LAMA2: variants seen among roughly 807,000 people sequenced by gnomAD.
LAMA2 encodes the protein laminin subunit alpha 2.
LAMA2 carries 269 observed loss-of-function variants against 364.8 expected under a neutral mutation model. The ratio of observed to expected loss-of-function variants is 0.74; its 90% CI spans 0.67 to 0.82. The LOEUF (loss-of-function observed/expected upper bound fraction) is 0.82, where lower values mean the gene tolerates loss of function less well. Ranked by LOEUF, LAMA2 falls within the 40% of genes least tolerant of loss-of-function variation. The probability of loss-of-function intolerance (pLI) is 0.00; values close to 1 mark genes in which losing one functional copy is unlikely to be tolerated. For synonymous variants in LAMA2, 1,379 were observed against 1,370.6 expected (o/e 1.01, Z -0.14); for missense variants, 3,807 against 3,873.2 (o/e 0.98, Z 0.45).
chr6:129,111,327 A>G lies in LAMA2; in HGVS notation c.639+12912A>G, dbSNP rs537566035. 8.0e-4 allele frequency among the ~76,000 whole-genome samples: 122 copies of G among 152,184 alleles called. 1 individual carries two copies. Among genetic ancestry groups the G allele is most frequent in the African/African-American group, 2.8e-3 (118 of 41,558 alleles). ...ACATAAGACATGTAATTTAAATTCT[A>G]ATCAGGGATAACAAAAATCCTATGA... On this transcript the variant is annotated intron_variant, in intron 4 of 64. Coordinates refer to ENST00000421865, the MANE Select transcript of LAMA2 (RefSeq NM_000426.4).
At chr6:128,962,887 GAA>G (rs1019629391) in intron 1 of LAMA2, among the ~76,000 whole-genome samples, 1 of 152,086 alleles carries the variant, frequency 6.6e-6, no homozygotes, top group African/African-American at 2.4e-5. Flanking sequence ...AAAGGCAAAG[GAA>G]AAGTTTGTCA....
At chr6:128,924,324 A>C (rs901483321) in intron 1 of LAMA2, among the ~76,000 whole-genome samples, 1 of 152,170 alleles carries the variant, frequency 6.6e-6, no homozygotes, top group African/African-American at 2.4e-5. Flanking sequence ...GACTGCTAAC[A>C]ACATAAAACT....
intron 12 of LAMA2, among the ~76,000 whole-genome samples, chr6:129,244,814 A>G (rs1398938106): frequency 2.6e-5 from 4 of 152,162 alleles, no homozygotes; most frequent in Non-Finnish European, 1.5e-5. Flanking sequence ...AGCCTTCTCC[A>G]GTCATGTGGG....
intron 1 of LAMA2, among the ~76,000 whole-genome samples, chr6:128,896,983 A>T (rs1432667903): frequency 6.6e-6 from 1 of 152,256 alleles, no homozygotes; most frequent in Non-Finnish European, 1.5e-5. Flanking sequence ...CTCATGCCTT[A>T]ATTTATCAAA....
intron 1 of LAMA2, among the ~76,000 whole-genome samples, chr6:128,911,460 C>T (rs1375713847): frequency 6.6e-6 from 1 of 152,192 alleles, no homozygotes; most frequent in East Asian, 1.9e-4. Flanking sequence ...ACCCCTTGCG[C>T]TTCCCGAGTG....
chr6:128,969,048 C>G (rs1465171729), intron 1 of LAMA2, among the ~76,000 whole-genome samples: 1 of 152,108 alleles, frequency 6.6e-6, no homozygotes, highest in African/African-American at 2.4e-5. Context: ...TGCAGGAGAC[C>G]ACTACAGCTT....
intron 1 of LAMA2, among the ~76,000 whole-genome samples, chr6:128,909,521 T>C (rs1258676903): frequency 6.7e-6 from 1 of 148,410 alleles, no homozygotes; most frequent in South Asian, 2.2e-4. Context: ...ATTTTGAGCC[T>C]ATGTGTGTCT....
chr6:129,418,739 T>A (rs2326805), intron 40 of LAMA2, among the ~76,000 whole-genome samples: 3 of 151,836 alleles, frequency 2.0e-5, no homozygotes. Context: ...TGTAATTAGC[T>A]GTGTCACCTA....
chr6:128,907,310 C>A (rs1292206713), intron 1 of LAMA2, among the ~76,000 whole-genome samples: 81 of 128,256 alleles, frequency 6.3e-4, no homozygotes, highest in Admixed American at 3.0e-3. Context: ...CTTTTATTTC[C>A]TTGAGCAGTG....
In LAMA2 at chr6:129,513,253, T is replaced by C. The variant is rs191373707; in HGVS notation, c.8988+760T>C. On this transcript the variant is annotated intron_variant, in intron 63 of 64. Coordinates refer to ENST00000421865, the MANE Select transcript of LAMA2 (RefSeq NM_000426.4). ...TTTTTTCTTGCTTTCTTCCTCTTTC[T>C]GCTCAATTTTCAAACTGTCCTCCAA... Among the ~76,000 whole-genome samples the C allele has an allele frequency of 5.0e-3, 754 of 152,316 alleles. 5 individuals are homozygous for C. Among genetic ancestry groups the C allele is most frequent in the African/African-American group, 0.017 (717 of 41,562 alleles).
intron 17 of LAMA2, among the ~76,000 whole-genome samples, chr6:129,276,429 G>C (rs1034685451): frequency 2.6e-5 from 4 of 151,858 alleles, no homozygotes; most frequent in African/African-American, 4.8e-5. Context: ...ATGCATGACA[G>C]TTAAAGACAC....
intron 40 of LAMA2, among the ~76,000 whole-genome samples, chr6:129,416,346 A>G (rs949374984): frequency 6.6e-6 from 1 of 152,298 alleles, no homozygotes. Flanking sequence ...TCTTGGTACT[A>G]TTCTCAGAAT....
chr6:129,304,079 G>T (rs934336864), intron 22 of LAMA2, among the ~76,000 whole-genome samples: 2 of 151,864 alleles, frequency 1.3e-5, no homozygotes, highest in African/African-American at 2.4e-5. Context: ...AAAGAGAGAA[G>T]AAACAAGCAA....
At chr6:129,336,354 C>G (rs980421397) in intron 29 of LAMA2, among the ~76,000 whole-genome samples, 11 of 152,274 alleles carry the variant, frequency 7.2e-5, no homozygotes, top group African/African-American at 2.6e-4. Flanking sequence ...GCTAGGTTTA[C>G]TGTATATATA....
intron 34 of LAMA2, among the ~76,000 whole-genome samples, chr6:129,381,369 G>A (rs1778678768): frequency 6.6e-6 from 1 of 151,614 alleles, no homozygotes; most frequent in Non-Finnish European, 1.5e-5. Flanking sequence ...TTGAGACAGA[G>A]GCTCGCTCTG....
intron 5 of LAMA2, among the ~76,000 whole-genome samples, chr6:129,145,874 G>A (rs1303502925): frequency 6.6e-6 from 1 of 151,818 alleles, no homozygotes; most frequent in African/African-American, 2.4e-5. Context: ...AAATACTACT[G>A]TATCAGCTTT....
rs1390286545 is a variant in LAMA2, at chr6:129,478,786, T to G, written c.7545T>G (p.Val2515=). 1 of 1,613,326 alleles carries G rather than the reference T, an allele frequency of 6.2e-7. No individual in the cohort carries two copies. Among genetic ancestry groups the G allele is most frequent in the South Asian group, 1.1e-5 (1 of 91,076 alleles). Reference sequence around the variant, plus strand: ...ATATACTCAGTAGTCCCGATTATGTTGGTGTTACCAAAGGATGTTCCCTGG... The same window carrying G: ...ATATACTCAGTAGTCCCGATTATGTGGGTGTTACCAAAGGATGTTCCCTGG... ...PYNILSSPDY[V]GVTKGCSLEN... The change falls in exon 54 of 65, where the codon GTT becomes GTG. Residue 2515 remains valine (V), a synonymous_variant. Coordinates refer to ENST00000421865, the MANE Select transcript of LAMA2 (RefSeq NM_000426.4).
chr6:129,078,200 T>C (rs575118738), intron 3 of LAMA2, among the ~76,000 whole-genome samples: 6 of 152,104 alleles, frequency 3.9e-5, no homozygotes, highest in African/African-American at 9.6e-5. Context: ...AGTGGCACAA[T>C]GTCGGCTCAC....
chr6:129,047,213 T>G (rs1302277559), intron 1 of LAMA2, among the ~76,000 whole-genome samples: 3 of 152,198 alleles, frequency 2.0e-5, no homozygotes, highest in Non-Finnish European at 4.4e-5. Flanking sequence ...AGGTAAAAAC[T>G]TTTAAATGGT....
Sources: gnomAD v4.1 joint callset for allele counts (sites outside exome capture counted in the v4.1 genomes callset) on GRCh38, gnomAD v4.1.1 for gene constraint, MANE v1.5 for transcripts, NCBI Gene and HGNC (gene_info 2026-07-23, HGNC 2026-07-21) for gene names.